Variants in ARRDC3 observed in about 807,000 individuals in gnomAD.
The protein encoded by ARRDC3 is arrestin domain containing 3.
A neutral mutation model predicts 47.2 loss-of-function variants in ARRDC3; 10 were observed. That is an observed-to-expected ratio of 0.21 (90% CI 0.13 to 0.36). The LOEUF (loss-of-function observed/expected upper bound fraction) is 0.36. Among genes scored for constraint, ARRDC3 ranks in the 10% least tolerant of loss-of-function variants. The pLI is 1.00. For synonymous variants in ARRDC3, 156 were observed against 178.3 expected, an observed-to-expected ratio of 0.87 and a Z score of 1.00; for missense variants, 381 against 503.6, an observed-to-expected ratio of 0.76 and a Z score of 2.33.
intron 1 of ARRDC3, chr5:91,380,805 C>T (rs1029362883): frequency 3.3e-5 from 5 of 152,328 alleles, no homozygotes; most frequent in South Asian, 2.1e-4. Flanking sequence ...GAGCGTCTGC[C>T]CTCTACTCAG....
rs1799100623 is a variant in ARRDC3 at position 91,368,857 on chromosome 5, GAA to G, written c.*2541_*2542del. The G allele has an allele frequency of 6.6e-6, 1 of 152,228 alleles. No homozygotes were observed. The highest frequency in any genetic ancestry group is 2.4e-5 in the African/African-American group (1 of 41,338). 9.4% of individuals were successfully genotyped at this position (152,228 alleles called of 1,614,324 possible). A position where few individuals can be genotyped will look rare whatever the true frequency, so the allele number is the denominator to read the frequency against. On this transcript the variant is annotated 3_prime_UTR_variant, in exon 8 of 8. Coordinates refer to ENST00000265138, the MANE Select transcript of ARRDC3 (RefSeq NM_020801.4). ...ACATATTCAGCACCAAATAAAAAAG[GAA>G]AAAAAGAGAAATTACAAACAGCCAT... is the stretch of plus-strand genomic sequence containing the variant.
Position 91,375,023 on chromosome 5 carries a change from A to G in ARRDC3, c.769T>C (p.Ser257Pro), listed in dbSNP as rs1799267600. ...VANLRGESLS[S>P]GKTETWNGKL... ...CCATTCCACGTCTCTGTCTTTCCAG[A>G]TGATAAGGATTCCCCACGCAAGTTA... Residue 257 changes from serine (S) to proline (P), a missense_variant, in exon 5 of 8, where the codon TCT becomes CCT. Physicochemically the swap from Ser to Pro is moderately conservative, Grantham distance 74. Coordinates refer to ENST00000265138, the MANE Select transcript of ARRDC3 (RefSeq NM_020801.4). The G allele has an allele frequency of 1.2e-6, 2 of 1,614,118 alleles. No individual in the cohort carries two copies. The highest frequency in any genetic ancestry group is 1.7e-6 in the Non-Finnish European group (2 of 1,180,046).
intron 5 of ARRDC3, among the ~76,000 whole-genome samples, chr5:91,374,542 A>T (rs1413774756): frequency 6.6e-6 from 1 of 152,156 alleles, no homozygotes; most frequent in Non-Finnish European, 1.5e-5. Context: ...TGTAAGACAA[A>T]ACTATGTCAT....
intron 2 of ARRDC3, 69 bp downstream of exon 2, chr5:91,378,625 A>G: frequency 1.1e-6 from 1 of 890,212 alleles, no homozygotes; most frequent in Non-Finnish European, 1.7e-6. Context: ...TAAATTTAGA[A>G]TACTTAATTT....
intron 3 of ARRDC3, 88 bp downstream of exon 3, chr5:91,376,533 T>C: frequency 8.6e-7 from 1 of 1,156,998 alleles, no homozygotes; most frequent in South Asian, 1.8e-5. Flanking sequence ...TATTTTTAAA[T>C]TATGACAACT....
In ARRDC3 at chr5:91,383,054, A is replaced by G. The variant is rs1799485059; in HGVS notation, c.39T>C (p.Phe13=). 1 of 1,613,378 alleles carries G rather than the reference A, an allele frequency of 6.2e-7. No homozygotes were observed. The change falls in exon 1 of 8, where the codon TTT becomes TTC. Residue 13 remains phenylalanine (F), a synonymous_variant. Coordinates refer to ENST00000265138, the MANE Select transcript of ARRDC3 (RefSeq NM_020801.4). ...GGACATTGCTGTCATTAAGACAGTCAAAGCTTATTGTCAAACTCTTCACCT... is the reference window on the plus strand; with the variant it reads ...GGACATTGCTGTCATTAAGACAGTCGAAGCTTATTGTCAAACTCTTCACCT... ...LGKVKSLTIS[F]DCLNDSNVPV...
intron 4 of ARRDC3, 46 bp downstream of exon 4, chr5:91,375,465 A>C: frequency 7.7e-7 from 1 of 1,296,038 alleles, no homozygotes; most frequent in Non-Finnish European, 1.1e-6. Flanking sequence ...TAAACACAAA[A>C]GCTAAGTGAA....
chr5:91,375,135 G>A lies in ARRDC3; in HGVS notation c.657C>T (p.Ser219=). The change falls in exon 5 of 8, where the codon TCC becomes TCT. Residue 219 remains serine (S), a synonymous_variant. Coordinates refer to ENST00000265138, the MANE Select transcript of ARRDC3 (RefSeq NM_020801.4). ...QIFAEIENCS[S]RMVVPKAAIY... The stretch of plus-strand genomic sequence containing the variant: ...TGGCTGCCTTTGGCACCACCATTCG[G>A]GAAGAGCAGTTCTCAATCTCAGCAA... 6.2e-7 allele frequency: 1 copy of A among 1,613,876 alleles called. No homozygotes were observed. Among genetic ancestry groups the A allele is most frequent in the South Asian group, 1.1e-5 (1 of 91,086 alleles).
intron 1 of ARRDC3, 33 bp downstream of exon 1, chr5:91,382,780 G>GAGTC: frequency 6.3e-7 from 1 of 1,575,424 alleles, no homozygotes. Context: ...CAAAGAAAAT[G>GAGTC]AGTCCAATGA....
At chr5:91,382,635 G>T (rs534677996) in intron 1 of ARRDC3, among the ~76,000 whole-genome samples, 178 bp downstream of exon 1, 1 of 152,248 alleles carries the variant, frequency 6.6e-6, no homozygotes, top group East Asian at 1.9e-4. Flanking sequence ...GCAGATGCCT[G>T]CATGCATTAC....
chr5:91,373,875 T>A, intron 6 of ARRDC3, 37 bp from the exon 7 acceptor site: 1 of 1,611,080 alleles, frequency 6.2e-7, no homozygotes, highest in South Asian at 1.1e-5. Flanking sequence ...GAACAGCATG[T>A]TCTTATGCAT....
chr5:91,373,899 G>T, intron 6 of ARRDC3, 61 bp from the exon 7 acceptor site: 1 of 1,595,214 alleles, frequency 6.3e-7, no homozygotes, highest in Non-Finnish European at 8.6e-7. Context: ...AAAATACACA[G>T]AATAGTAGGT....
At chr5:91,371,517 G>A in intron 7 of ARRDC3, 61 bp from the exon 8 acceptor site, 1 of 1,294,032 alleles carries the variant, frequency 7.7e-7, no homozygotes, top group Non-Finnish European at 1.1e-6. Context: ...GAAGAATGTA[G>A]CAAATGACTA....
rs1273314557 is a variant in ARRDC3 at position 91,375,150 on chromosome 5, A to G, written c.642T>C (p.Ile214=). The change falls in exon 5 of 8, where the codon ATT becomes ATC. Residue 214 remains isoleucine, a synonymous_variant. Transcript: ENST00000265138. ...PGESIQIFAE[I]ENCSSRMVVP... Reference sequence around the variant, plus strand: ...CCACCATTCGGGAAGAGCAGTTCTCAATCTCAGCAAATATCTGAATTGATT... The same window carrying G: ...CCACCATTCGGGAAGAGCAGTTCTCGATCTCAGCAAATATCTGAATTGATT... The G allele has an allele frequency of 3.1e-6, 5 of 1,613,570 alleles. No homozygotes were observed. The highest frequency in any genetic ancestry group is 1.3e-5 in the African/African-American group (1 of 74,932).
chr5:91,381,419 TCAA>T (rs890880062), intron 1 of ARRDC3, among the ~76,000 whole-genome samples: 2 of 152,218 alleles, frequency 1.3e-5, no homozygotes, highest in Non-Finnish European at 2.9e-5. Flanking sequence ...TATCTGCTTT[TCAA>T]CAAATACCAA....
intron 3 of ARRDC3, among the ~76,000 whole-genome samples, chr5:91,375,924 A>G (rs1474954529): frequency 6.6e-6 from 1 of 152,142 alleles, no homozygotes; most frequent in Non-Finnish European, 1.5e-5. Flanking sequence ...AACCAAATAA[A>G]AAAAACCCTT....
intron 1 of ARRDC3, chr5:91,380,581 A>C (rs1459875870): frequency 2.0e-5 from 3 of 152,208 alleles, no homozygotes; most frequent in East Asian, 3.9e-4. Context: ...CCCTCAGGTC[A>C]ACTCAAGGTA....
At position 91,376,785 on chromosome 5, in the gene ARRDC3, G is replaced by A; in HGVS notation, c.363-17C>T. The A allele has an allele frequency of 6.3e-7, 1 of 1,591,666 alleles. No individual in the cohort carries two copies. Reference sequence around the variant, plus strand: ...GCGAGTGGTCTGTGCAGAATATAAAGGTCAATATATTAATTTTATACCTCT... The same window carrying A: ...GCGAGTGGTCTGTGCAGAATATAAAAGTCAATATATTAATTTTATACCTCT... On this transcript the variant is annotated splice_polypyrimidine_tract_variant and intron_variant, in intron 2 of 7. Coordinates refer to ENST00000265138, the MANE Select transcript of ARRDC3 (RefSeq NM_020801.4).
intron 2 of ARRDC3, 110 bp from the exon 3 acceptor site, chr5:91,376,878 G>T: frequency 9.5e-7 from 1 of 1,049,308 alleles, no homozygotes; most frequent in Non-Finnish European, 1.3e-6. Flanking sequence ...TTCCAATGAG[G>T]TATCAAACAT....
Sources: allele counts gnomAD v4.1 joint callset (sites outside exome capture counted in the v4.1 genomes callset), GRCh38; gene constraint gnomAD v4.1.1; transcripts MANE v1.5; gene names NCBI Gene and HGNC (gene_info 2026-07-23, HGNC 2026-07-21).